PDE8B: variants seen among roughly 807,000 people sequenced by gnomAD.
PDE8B encodes the protein phosphodiesterase 8B.
In PDE8B, 26 loss-of-function variants were observed where a neutral mutation model predicts 101.3. The ratio of observed to expected loss-of-function variants is 0.26; its 90% CI spans 0.19 to 0.36. The LOEUF is 0.36. PDE8B is among the 10% of genes least tolerant of loss of function. The probability of loss-of-function intolerance (pLI) is 1.00; values close to 1 mark genes in which losing one functional copy is unlikely to be tolerated. For missense variants in PDE8B, 810 were observed against 1,163.1 expected, an observed-to-expected ratio of 0.70 and a Z score of 4.42; for synonymous variants, 424 against 429.3, an observed-to-expected ratio of 0.99 and a Z score of 0.15.
intron 10 of PDE8B, among the ~76,000 whole-genome samples, chr5:77,361,516 C>CT (rs34128451): frequency 0.014 from 1,908 of 139,940 alleles, 19 homozygotes; most frequent in African/African-American, 0.037. Flanking sequence ...TTTCATCTTA[C>CT]TTTTTTTTTT....
At chr5:77,310,054 A>C (rs935956514) in intron 1 of PDE8B, among the ~76,000 whole-genome samples, 4 of 145,326 alleles carry the variant, frequency 2.8e-5, no homozygotes. Context: ...GGTTCAAGCG[A>C]TTCTCCTGCC....
chr5:77,339,483 T>C (rs1194829342), intron 6 of PDE8B, among the ~76,000 whole-genome samples: 1 of 152,130 alleles, frequency 6.6e-6, no homozygotes, highest in African/African-American at 2.4e-5. Flanking sequence ...ATGTGCATAT[T>C]CCCAGGTATT....
chr5:77,107,695 A>G, the PDE8B span, among the ~76,000 whole-genome samples: 137 of 152,324 alleles, frequency 9.0e-4, 1 homozygote, highest in Middle Eastern at 0.01. Context: ...GCTTTTAATT[A>G]TTATCATGGT....
At chr5:77,217,853 A>T (rs1183683458) in intron 1 of PDE8B, among the ~76,000 whole-genome samples, 2 of 152,090 alleles carry the variant, frequency 1.3e-5, no homozygotes, top group Non-Finnish European at 2.9e-5. Context: ...CTACTTTTCA[A>T]CAAGTTGTAG....
At chr5:77,195,454 CT>C in the PDE8B span, among the ~76,000 whole-genome samples, 435 of 150,106 alleles carry the variant, frequency 2.9e-3, 2 homozygotes, top group African/African-American at 9.6e-3. Context: ...ATTGCCAACA[CT>C]TTTTTTTTTC....
the PDE8B span, among the ~76,000 whole-genome samples, chr5:77,156,271 T>G: frequency 6.6e-6 from 1 of 152,184 alleles, no homozygotes; most frequent in Non-Finnish European, 1.5e-5. Context: ...GTTGGTGCTC[T>G]GAGTGTAATT....
intron 18 of PDE8B, among the ~76,000 whole-genome samples, chr5:77,419,448 C>T (rs13436637): frequency 0.058 from 8,797 of 152,280 alleles, 366 homozygotes; most frequent in African/African-American, 0.12. Context: ...TTTCCTGCCA[C>T]CTTACTGTTT....
intron 1 of PDE8B, among the ~76,000 whole-genome samples, chr5:77,239,123 G>A (rs1359984261): frequency 6.6e-6 from 1 of 152,142 alleles, no homozygotes; most frequent in Non-Finnish European, 1.5e-5. Context: ...AATTTTCCTG[G>A]TTCTTATGTC....
intron 13 of PDE8B, 52 bp from the exon 14 acceptor site, chr5:77,408,841 T>C (rs1794002778): frequency 7.0e-7 from 1 of 1,434,734 alleles, no homozygotes. Context: ...ATATGACTTT[T>C]GGGAAGTAGA....
chr5:77,351,188 A>G (rs1282641679), intron 9 of PDE8B, 35 bp downstream of exon 9: 1 of 1,497,362 alleles, frequency 6.7e-7, no homozygotes, highest in South Asian at 1.1e-5. Context: ...TTAGCTGAAG[A>G]TAAAGACTCA....
chr5:77,404,910 C>T (rs751476485), intron 12 of PDE8B, 113 bp downstream of exon 12: 44 of 704,358 alleles, frequency 6.2e-5, no homozygotes, highest in Admixed American at 3.1e-4. Flanking sequence ...TCAACAACAC[C>T]GACTTATTTT....
intron 1 of PDE8B, among the ~76,000 whole-genome samples, chr5:77,233,699 T>TGTGTGTGTGTGTGTGC (rs979930633): frequency 3.3e-4 from 49 of 146,990 alleles, no homozygotes; most frequent in African/African-American, 1.2e-3. Context: ...TGTGTGTGTG[T>TGTGTGTGTGTGTGTGC]GCAGTAGACT....
chr5:77,325,194 G>C (rs191220982), intron 2 of PDE8B, among the ~76,000 whole-genome samples: 1 of 152,168 alleles, frequency 6.6e-6, no homozygotes, highest in East Asian at 1.9e-4. Flanking sequence ...TTTTAGACAG[G>C]GTCTCACTCT....
intron 1 of PDE8B, among the ~76,000 whole-genome samples, chr5:77,231,112 T>A (rs562666215): frequency 1.3e-5 from 2 of 152,370 alleles, no homozygotes; most frequent in Non-Finnish European, 1.5e-5. Context: ...TGTTGGTACT[T>A]GATATTTGTT....
At chr5:77,103,569 C>G in the PDE8B span, among the ~76,000 whole-genome samples, 9 of 152,160 alleles carry the variant, frequency 5.9e-5, no homozygotes, top group African/African-American at 2.2e-4. Context: ...GAACTTTGGG[C>G]ACTCTTGATG....
chr5:77,308,662 C>T (rs1771812183), intron 1 of PDE8B, among the ~76,000 whole-genome samples: 1 of 152,120 alleles, frequency 6.6e-6, no homozygotes, highest in Non-Finnish European at 1.5e-5. Flanking sequence ...TTGAAAGTTG[C>T]TTTTAAAACT....
intron 1 of PDE8B, among the ~76,000 whole-genome samples, chr5:77,287,486 C>T (rs1766275109): frequency 6.6e-6 from 1 of 151,446 alleles, no homozygotes; most frequent in African/African-American, 2.4e-5. Flanking sequence ...CTTGACTTTG[C>T]AGCTTGATTT....
intron 10 of PDE8B, among the ~76,000 whole-genome samples, chr5:77,385,804 T>TG (rs1788460319): frequency 6.7e-6 from 1 of 148,396 alleles, no homozygotes; most frequent in African/African-American, 2.5e-5. Context: ...GGTTTTTTTT[T>TG]TTTTTTTTTT....
At chr5:77,127,522 C>A in the PDE8B span, among the ~76,000 whole-genome samples, 1 of 152,050 alleles carries the variant, frequency 6.6e-6, no homozygotes, top group Non-Finnish European at 1.5e-5. Context: ...TTCTTTATAG[C>A]AGTGTGAGAA....
Sources: allele counts gnomAD v4.1 joint callset (sites outside exome capture counted in the v4.1 genomes callset), GRCh38; gene constraint gnomAD v4.1.1; transcripts MANE v1.5; gene names NCBI Gene and HGNC (gene_info 2026-07-23, HGNC 2026-07-21).